Variants in OTOGL observed in about 807,000 individuals in gnomAD.
OTOGL encodes otogelin like.
In OTOGL, 285 loss-of-function variants were observed where a neutral mutation model predicts 318.5. The ratio of observed to expected loss-of-function variants is 0.89; its 90% confidence interval spans 0.81 to 0.99. The LOEUF (loss-of-function observed/expected upper bound fraction) is 0.99, where lower values mean the gene tolerates loss of function less well. Among genes scored for constraint, OTOGL ranks in the 50% least tolerant of loss-of-function variants. The pLI, the probability that OTOGL is intolerant of heterozygous loss-of-function variation, is 0.00. For missense variants in OTOGL, 2,899 were observed against 2,845.6 expected, an observed-to-expected ratio of 1.02 and a Z score of -0.43; for synonymous variants, 987 against 936.5, an observed-to-expected ratio of 1.05 and a Z score of -0.99.
chr12:80,302,730 A>G lies in OTOGL; in HGVS notation c.3160A>G (p.Ile1054Val), dbSNP rs564833395. 1.3e-6 allele frequency: 2 copies of G among 1,542,460 alleles called. No homozygotes were observed. The highest frequency in any genetic ancestry group is 1.4e-5 in the African/African-American group (1 of 73,504). Reference protein sequence around the residue: ...VVYFPEKDITILWDRKTTIHI... With the variant: ...VVYFPEKDITVLWDRKTTIHI... Reference sequence around the variant, plus strand: ...ATACTTTCCAGAGAAAGATATCACTATTCTTTGGGATAGGAAGACAACTAT... The same window carrying G: ...ATACTTTCCAGAGAAAGATATCACTGTTCTTTGGGATAGGAAGACAACTAT... Residue 1054 changes from isoleucine (I) to valine (V), a missense_variant, in exon 28 of 59, where the codon ATT becomes GTT. Coordinates refer to ENST00000547103, the MANE Select transcript of OTOGL (RefSeq NM_001378609.3).
chr12:80,103,393 C>T (rs576969335), intron 1 of OTOGL: 41 of 823,126 alleles, frequency 5.0e-5, no homozygotes, highest in Non-Finnish European at 7.4e-5. Context: ...CTTCACATTC[C>T]TTTTGACTGT....
chr12:80,327,958 C>CAAAAAAAAAAAAAAAAA (rs397687373), intron 35 of OTOGL, among the ~76,000 whole-genome samples: 2 of 30,946 alleles, frequency 6.5e-5, no homozygotes, highest in African/African-American at 3.7e-4. Context: ...GACTCTGTCT[C>CAAAAAAAAAAAAAAAAA]AAAAAAAAAA....
At chr12:80,232,313 A>G (rs1879440632) in intron 8 of OTOGL, among the ~76,000 whole-genome samples, 1 of 152,198 alleles carries the variant, frequency 6.6e-6, no homozygotes, top group Non-Finnish European at 1.5e-5. Flanking sequence ...GTAAGTTATA[A>G]TACGTCATCC....
chr12:80,108,775 A>ATATATATATATGTATATATATATATG (rs1372977029), intron 1 of OTOGL, among the ~76,000 whole-genome samples: 2 of 125,886 alleles, frequency 1.6e-5, no homozygotes, highest in East Asian at 2.2e-4. Context: ...ATACACGTAT[A>ATATATATATATGTATATATATATATG]TATATATATA....
In OTOGL at chr12:80,322,342, T is replaced by C. The variant is rs1036567318; in HGVS notation, c.4082-1381T>C. Among the ~76,000 whole-genome samples, 6 of 152,278 alleles carry C rather than the reference T, an allele frequency of 3.9e-5. No homozygotes were observed. In the East Asian group the frequency reaches 7.7e-4, roughly 20 times the overall value. On this transcript the variant is annotated intron_variant, in intron 34 of 58. Transcript: ENST00000547103. ...TCTGTGCCCTTAGAACCAGACCTAG[T>C]AGCCCCATTTGAGGCTTAGAGAACT... is the stretch of plus-strand genomic sequence containing the variant.
At chr12:80,100,868 T>A (rs1336702263) in intron 1 of OTOGL, among the ~76,000 whole-genome samples, 1 of 152,180 alleles carries the variant, frequency 6.6e-6, no homozygotes, top group Non-Finnish European at 1.5e-5. Flanking sequence ...TTTTCCCATG[T>A]GTTTCCCATT....
At chr12:80,308,849 C>G (rs145691914) in intron 29 of OTOGL, among the ~76,000 whole-genome samples, 21,850 of 152,110 alleles carry the variant, frequency 0.14, 2,078 homozygotes, top group African/African-American at 0.26. Context: ...CGCCTGCAAT[C>G]GCAGGCACTC....
chr12:80,145,854 CTG>C (rs1342193054), intron 1 of OTOGL, among the ~76,000 whole-genome samples: 1 of 151,752 alleles, frequency 6.6e-6, no homozygotes, highest in Non-Finnish European at 1.5e-5. Flanking sequence ...ATTTGGCTCT[CTG>C]TTTGTCTGTT....
At chr12:80,363,361 G>T (rs1248584353) in intron 52 of OTOGL, among the ~76,000 whole-genome samples, 1 of 152,096 alleles carries the variant, frequency 6.6e-6, no homozygotes, top group Non-Finnish European at 1.5e-5. Flanking sequence ...GTTTCTATTT[G>T]TGCATAGCAG....
intron 1 of OTOGL, among the ~76,000 whole-genome samples, chr12:80,122,590 T>C (rs1870549785): frequency 6.6e-6 from 1 of 152,316 alleles, no homozygotes; most frequent in African/African-American, 2.4e-5. Flanking sequence ...CTTTACTGAC[T>C]ATGTTTATAG....
intron 19 of OTOGL, among the ~76,000 whole-genome samples, chr12:80,264,694 T>C (rs1010594264): frequency 6.6e-6 from 1 of 152,162 alleles, no homozygotes; most frequent in East Asian, 1.9e-4. Flanking sequence ...CAATTCTTTA[T>C]AGTAGGTTTC....
intron 1 of OTOGL, among the ~76,000 whole-genome samples, chr12:80,190,195 T>C (rs980997302): frequency 6.6e-6 from 1 of 152,220 alleles, no homozygotes; most frequent in African/African-American, 2.4e-5. Flanking sequence ...TGATACTTGC[T>C]GAGTCATTTG....
chr12:80,288,300 A>G (rs1240798462), intron 26 of OTOGL, among the ~76,000 whole-genome samples: 1 of 152,108 alleles, frequency 6.6e-6, no homozygotes, highest in Non-Finnish European at 1.5e-5. Flanking sequence ...TTTGTAGGTA[A>G]CCTGACCTTT....
In OTOGL at chr12:80,310,674, A is replaced by G. The variant is rs373151874; in HGVS notation, c.3397A>G (p.Lys1133Glu). Reference sequence around the variant, plus strand: ...ACATCAAAACAAATTTCCTTATGCCAAGAAAGAATGCTCCATTTTGTACAG... The same window carrying G: ...ACATCAAAACAAATTTCCTTATGCCGAGAAAGAATGCTCCATTTTGTACAG... Reference protein sequence around the residue: ...EAHQNKFPYAKKECSILYSDI... With the variant: ...EAHQNKFPYAEKECSILYSDI... The change falls in exon 30 of 59, where the codon AAG (lysine) becomes GAG (glutamate). Residue 1133 changes from lysine (K) to glutamate (E), a missense_variant. By Grantham distance (56) the Lys-to-Glu change is moderately conservative (BLOSUM62 1). This residue lies in a region of OTOGL where 2,607 missense variants were observed against 2,524.9 expected (regional missense o/e 1.03). Coordinates refer to ENST00000547103, the MANE Select transcript of OTOGL (RefSeq NM_001378609.3). 6.3e-7 allele frequency: 1 copy of G among 1,596,566 alleles called. No homozygotes were observed. Among genetic ancestry groups the G allele is most frequent in the Non-Finnish European group, 8.5e-7 (1 of 1,177,084 alleles).
chr12:80,319,266 C>A (rs749191275), intron 33 of OTOGL, among the ~76,000 whole-genome samples: 4 of 152,164 alleles, frequency 2.6e-5, no homozygotes, highest in Non-Finnish European at 5.9e-5. Flanking sequence ...GTTGTATCCA[C>A]CTGGCACCTG....
In OTOGL at chr12:80,222,475, A is replaced by G. The variant is rs60803282; in HGVS notation, c.489+230A>G. Among the ~76,000 whole-genome samples, 54,597 of 151,960 alleles carry G rather than the reference A, an allele frequency of 0.36. 10,511 individuals are homozygous for G. The highest frequency in any genetic ancestry group is 0.62 in the East Asian group (3,182 of 5,152). The stretch of plus-strand genomic sequence containing the variant: ...AGTTTTTTGAAATGACACCCTCAGT[A>G]TGAACCAGAGGCTAACATTTATAAA... On this transcript the variant is annotated intron_variant, in intron 7 of 58. Coordinates refer to ENST00000547103, the MANE Select transcript of OTOGL (RefSeq NM_001378609.3).
chr12:80,259,428 A>T (rs187126722), intron 18 of OTOGL, among the ~76,000 whole-genome samples: 8 of 152,130 alleles, frequency 5.3e-5, no homozygotes, highest in Non-Finnish European at 1.2e-4. Context: ...GGTTTGTTAC[A>T]TAGACATACA....
intron 1 of OTOGL, among the ~76,000 whole-genome samples, chr12:80,152,894 A>G (rs1458322719): frequency 6.6e-6 from 1 of 152,114 alleles, no homozygotes; most frequent in African/African-American, 2.4e-5. Flanking sequence ...GGGTTTCACC[A>G]TGTTGGCCAG....
intron 20 of OTOGL, 44 bp from the exon 21 acceptor site, chr12:80,266,407 T>C: frequency 1.9e-6 from 3 of 1,597,926 alleles, no homozygotes; most frequent in South Asian, 2.2e-5. Context: ...AATGTTTCTA[T>C]GTGCCATGGC....
Sources: allele counts gnomAD v4.1 joint callset (sites outside exome capture counted in the v4.1 genomes callset), GRCh38; gene constraint gnomAD v4.1.1; regional missense constraint gnomAD v4.1.1; transcripts MANE v1.5; gene names NCBI Gene and HGNC (gene_info 2026-07-23, HGNC 2026-07-21).